Variants in CABP1 observed in about 807,000 individuals in gnomAD.
CABP1 encodes the protein calcium-binding protein 1.
A neutral mutation model predicts 34.3 loss-of-function variants in CABP1; 17 were observed. That is an observed-to-expected ratio of 0.50 (90% CI 0.34 to 0.74). CABP1 has a LOEUF of 0.74. Ranked by LOEUF, CABP1 falls within the 30% of genes least tolerant of loss-of-function variation. The pLI, the probability that CABP1 is intolerant of heterozygous loss-of-function variation, is 0.01. For synonymous variants in CABP1, 198 were observed against 229.2 expected, an observed-to-expected ratio of 0.86 and a Z score of 1.23; for missense variants, 373 against 511.1, an observed-to-expected ratio of 0.73 and a Z score of 2.61.
intron 1 of CABP1, among the ~76,000 whole-genome samples, chr12:120,654,061 G>T (rs1338110884): frequency 6.6e-6 from 1 of 152,130 alleles, no homozygotes; most frequent in Non-Finnish European, 1.5e-5. Context: ...GTCTTGCCTC[G>T]CTCTAGTCTA....
At chr12:120,670,543 T>C (rs535439544), downstream of CABP1, among the ~76,000 whole-genome samples, 7 of 151,702 alleles carry the variant, frequency 4.6e-5, no homozygotes, top group African/African-American at 1.5e-4. Flanking sequence ...AGGTCAGGAG[T>C]CTGAGACCAG....
chr12:120,677,085 T>TG, the CABP1 span, among the ~76,000 whole-genome samples: 108 of 46,274 alleles, frequency 2.3e-3, no homozygotes, highest in Non-Finnish European at 2.2e-3. Flanking sequence ...AAGTTTGTGG[T>TG]TTTTTTTTTT....
At chr12:120,648,629 C>T (rs898911827) in intron 1 of CABP1, among the ~76,000 whole-genome samples, 2 of 151,948 alleles carry the variant, frequency 1.3e-5, no homozygotes, top group African/African-American at 4.8e-5. Context: ...GTCTGTAATC[C>T]CAGCACTTCG....
chr12:120,672,599 T>G, the CABP1 span, among the ~76,000 whole-genome samples: 1 of 70,912 alleles, frequency 1.4e-5, no homozygotes, highest in Non-Finnish European at 2.3e-5. Flanking sequence ...GCCATTGCAC[T>G]CCAAAAAAAA....
intron 1 of CABP1, among the ~76,000 whole-genome samples, chr12:120,649,716 G>T (rs1879723492): frequency 1.3e-5 from 2 of 152,130 alleles, no homozygotes; most frequent in African/African-American, 4.8e-5. Context: ...GCCATCTCCT[G>T]GTTTCCTTCG....
Position 120,660,314 on chromosome 12 carries a change from A to T in CABP1, c.804A>T (p.Glu268Asp). The T allele has an allele frequency of 6.2e-7, 1 of 1,613,686 alleles. No individual in the cohort carries two copies. Among genetic ancestry groups the T allele is most frequent in the Non-Finnish European group, 8.5e-7 (1 of 1,180,008 alleles). Residue 268 changes from glutamate to aspartate, a missense_variant, in exon 3 of 6, where the codon GAA becomes GAT. This residue lies in a region of CABP1 where 109 missense variants were observed against 204.8 expected (regional missense o/e 0.53). Transcript: ENST00000316803. The surrounding 1 kb of genome is among the most constrained non-coding windows in gnomAD (Gnocchi z 5.0). ...GYMPTEMELI[E>D]LSQQINMNLG... ...TGCCCACCGAGATGGAGCTCATCGA[A>T]CTGTCCCAGCAGATCAACATGAACC...
downstream of CABP1, among the ~76,000 whole-genome samples, chr12:120,670,465 AG>A (rs1348738978): frequency 3.3e-5 from 5 of 152,108 alleles, no homozygotes; most frequent in Non-Finnish European, 7.3e-5. Context: ...TCTTTGTCTA[AG>A]GCCGAGCGAG....
At chr12:120,673,228 A>G in the CABP1 span, among the ~76,000 whole-genome samples, 2 of 152,112 alleles carry the variant, frequency 1.3e-5, no homozygotes, top group Non-Finnish European at 2.9e-5. Context: ...TTGCTTCATG[A>G]TAATTCACCA....
rs532552871 is a variant in CABP1, at chr12:120,662,764, A to G, written c.1087+1546A>G. 8.1e-5 allele frequency among the ~76,000 whole-genome samples: 12 copies of G among 148,684 alleles called. No homozygotes were observed. The East Asian group carries it at 2.4e-3, about 29-fold the overall frequency. On this transcript the variant is annotated intron_variant, in intron 5 of 5. Coordinates refer to ENST00000316803, the MANE Select transcript of CABP1 (RefSeq NM_001033677.2). ...CAATGGCACGATCTCAGCTCACTGCAACCTCTGCCTCCTGGATTCAAGCGA... is the reference window on the plus strand; with the variant it reads ...CAATGGCACGATCTCAGCTCACTGCGACCTCTGCCTCCTGGATTCAAGCGA...
chr12:120,676,982 A>T, the CABP1 span, among the ~76,000 whole-genome samples: 3 of 152,284 alleles, frequency 2.0e-5, no homozygotes, highest in African/African-American at 7.2e-5. Flanking sequence ...ACACGTCTGT[A>T]ATCCTAGCTA....
rs1434841113 is a variant in CABP1 at position 120,667,099 on chromosome 12, G to T, written c.*199G>T. ...ACTAACTCCTGCAACTGGAAAGCGG[G>T]GGCGCCCGCCGACGAGGAGGCCACC... On this transcript the variant is annotated 3_prime_UTR_variant, in exon 6 of 6. Transcript: ENST00000316803. The T allele has an allele frequency of 6.3e-6, 4 of 639,198 alleles. No individual in the cohort carries two copies. Among genetic ancestry groups the T allele is most frequent in the Non-Finnish European group, 8.0e-6 (3 of 374,456 alleles). 39.6% of individuals were successfully genotyped at this position (639,198 alleles called of 1,614,324 possible).
At chr12:120,677,182 G>A in the CABP1 span, among the ~76,000 whole-genome samples, 2 of 150,564 alleles carry the variant, frequency 1.3e-5, no homozygotes, top group African/African-American at 4.9e-5. Context: ...CCGCCTCCCG[G>A]GCTCAAGCGA....
intron 5 of CABP1, chr12:120,662,356 GTTGT>G (rs57228411): frequency 1.1e-4 from 16 of 152,270 alleles, no homozygotes; most frequent in South Asian, 2.1e-4. Flanking sequence ...CTTTTTTGTT[GTTGT>G]TTGTTTGTTT....
At chr12:120,659,496 T>C (rs895011819) in intron 1 of CABP1, 52 of 174,610 alleles carry the variant, frequency 3.0e-4, no homozygotes, top group African/African-American at 1.1e-3. Flanking sequence ...CTTTTTTTGT[T>C]TTTTTTTTTT....
chr12:120,660,383 C>T lies in CABP1; in HGVS notation c.829+44C>T, dbSNP rs536655827. 7 of 1,589,544 alleles carry T rather than the reference C, an allele frequency of 4.4e-6. No homozygotes were observed. In the Admixed American group the frequency reaches 8.6e-5, roughly 20 times the overall value. On this transcript the variant is annotated intron_variant, in intron 3 of 5. Transcript: ENST00000316803. The surrounding 1 kb of genome is among the most constrained non-coding windows in gnomAD (Gnocchi z 5.0). ...CATCTGCGTCCCTTCGGTCCTCACC[C>T]TTGCCGTCCTCTGCAGTCAGACAGG... is the stretch of plus-strand genomic sequence containing the variant.
chr12:120,676,834 T>C, the CABP1 span, among the ~76,000 whole-genome samples: 4 of 152,204 alleles, frequency 2.6e-5, no homozygotes, highest in Non-Finnish European at 5.9e-5. Flanking sequence ...AGAGAAGGAA[T>C]GTGACTTGCC....
chr12:120,660,835 C>T lies in CABP1; in HGVS notation c.934C>T (p.Arg312Ter). The change falls in exon 4 of 6, where the codon CGA becomes TGA. Residue 312 changes from arginine (R) to a stop codon, truncating the protein, a stop_gained. Coordinates refer to ENST00000316803, the MANE Select transcript of CABP1 (RefSeq NM_001033677.2). LOFTEE classifies it high-confidence loss of function. The surrounding 1 kb of genome is among the most constrained non-coding windows in gnomAD (Gnocchi z 5.0). The stretch of plus-strand genomic sequence containing the variant: ...TGTAAAGGAACTGCGAGATGCTTTC[C>T]GAGAGGTAACGGACAGAGGCAGGCA... The part of the protein sequence containing the change: ...IGVKELRDAF[R>*]EFDTNGDGEI... 5 of 1,609,326 alleles carry T rather than the reference C, an allele frequency of 3.1e-6. No individual in the cohort carries two copies. Among genetic ancestry groups the T allele is most frequent in the Non-Finnish European group, 4.3e-6 (5 of 1,175,734 alleles).
chr12:120,663,151 C>G (rs1880760976), intron 5 of CABP1, among the ~76,000 whole-genome samples: 1 of 152,202 alleles, frequency 6.6e-6, no homozygotes, highest in African/African-American at 2.4e-5. Flanking sequence ...ACACTGTCCC[C>G]TAACTGCTGG....
At chr12:120,644,814 G>A (rs1288556100) in intron 1 of CABP1, among the ~76,000 whole-genome samples, 3 of 152,122 alleles carry the variant, frequency 2.0e-5, no homozygotes, top group Non-Finnish European at 4.4e-5. Flanking sequence ...TGGTTTGTTT[G>A]TTTATTTTGA....
Sources: gnomAD v4.1 joint callset for allele counts (sites outside exome capture counted in the v4.1 genomes callset) on GRCh38, gnomAD v4.1.1 for gene constraint, gnomAD v4.1.1 regional missense constraint, Gnocchi (gnomAD v3.1) non-coding constraint, MANE v1.5 for transcripts, NCBI Gene and HGNC (gene_info 2026-07-23, HGNC 2026-07-21) for gene names.